PRKAR1B: variants seen among roughly 807,000 people sequenced by gnomAD.
PRKAR1B encodes cAMP-dependent protein kinase type I-beta regulatory subunit.
PRKAR1B carries 22 observed loss-of-function variants against 46.5 expected under a neutral mutation model. The observed-to-expected ratio is 0.47, with a 90% CI of 0.34 to 0.68. The LOEUF is 0.68. PRKAR1B is among the 30% of genes least tolerant of loss of function. The pLI, the probability that PRKAR1B is intolerant of heterozygous loss-of-function variation, is 0.01. For missense variants in PRKAR1B, 445 were observed against 535.6 expected, an observed-to-expected ratio of 0.83 and a Z score of 1.67; for synonymous variants, 259 against 217.7, an observed-to-expected ratio of 1.19 and a Z score of -1.67.
intron 2 of PRKAR1B, among the ~76,000 whole-genome samples, chr7:691,067 A>G (rs1583424972): frequency 1.4e-5 from 2 of 143,006 alleles, no homozygotes; most frequent in East Asian, 4.2e-4. Flanking sequence ...GCCCACCCAC[A>G]CTGGCCAGTC....
chr7:570,777 C>A (rs886290084), intron 9 of PRKAR1B, among the ~76,000 whole-genome samples: 4 of 152,172 alleles, frequency 2.6e-5, no homozygotes, highest in Non-Finnish European at 5.9e-5. Context: ...CCCAGACTCA[C>A]CCTGCCCGCT....
chr7:609,603 CT>C (rs1312338533), intron 4 of PRKAR1B, among the ~76,000 whole-genome samples: 1 of 152,250 alleles, frequency 6.6e-6, no homozygotes, highest in Non-Finnish European at 1.5e-5. Flanking sequence ...CCAGTGGTGT[CT>C]GCATCATTTG....
intron 7 of PRKAR1B, among the ~76,000 whole-genome samples, 183 bp downstream of exon 7, chr7:595,963 G>A (rs1191439682): frequency 6.6e-6 from 1 of 152,212 alleles, no homozygotes; most frequent in African/African-American, 2.4e-5. Context: ...CCAGCCACCT[G>A]TCTTCTAAGA....
intron 4 of PRKAR1B, among the ~76,000 whole-genome samples, chr7:624,958 A>G (rs1254480343): frequency 3.3e-5 from 5 of 152,244 alleles, no homozygotes; most frequent in African/African-American, 1.2e-4. Flanking sequence ...AGCAGACTAC[A>G]CATTCTTCTC....
At chr7:584,971 C>T (rs1208059431) in intron 7 of PRKAR1B, among the ~76,000 whole-genome samples, 6 of 152,076 alleles carry the variant, frequency 3.9e-5, no homozygotes, top group Non-Finnish European at 7.4e-5. Context: ...AAGCACATGA[C>T]GTAGAAGGGA....
chr7:596,423 A>G, intron 6 of PRKAR1B, 119 bp from the exon 7 acceptor site: 1 of 1,263,258 alleles, frequency 7.9e-7, no homozygotes, highest in Admixed American at 2.6e-5. Context: ...GGCGGGGCAC[A>G]AGCCCTTTCG....
intron 4 of PRKAR1B, among the ~76,000 whole-genome samples, chr7:620,370 G>T (rs548711793): frequency 3.3e-5 from 5 of 152,080 alleles, no homozygotes; most frequent in Admixed American, 2.0e-4. Flanking sequence ...GTAATCTGTT[G>T]TCAAGCACAT....
chr7:590,474 G>A (rs551521652), intron 7 of PRKAR1B, among the ~76,000 whole-genome samples: 1 of 152,342 alleles, frequency 6.6e-6, no homozygotes, highest in African/African-American at 2.4e-5. Flanking sequence ...CAGGGTGGGG[G>A]CGGGGCCCCG....
chr7:706,455 G>A (rs1208194935), intron 2 of PRKAR1B, among the ~76,000 whole-genome samples: 2 of 64,494 alleles, frequency 3.1e-5, no homozygotes, highest in Admixed American at 1.8e-4. Flanking sequence ...ACGGAGTCTC[G>A]CTCTATCACC....
intron 2 of PRKAR1B, among the ~76,000 whole-genome samples, chr7:709,185 T>G (rs1780488617): frequency 6.7e-6 from 1 of 148,882 alleles, no homozygotes; most frequent in South Asian, 2.1e-4. Context: ...TTGAAAAACC[T>G]TAGTATAACA....
At chr7:671,907 T>C (rs549420314) in intron 4 of PRKAR1B, among the ~76,000 whole-genome samples, 1 of 152,320 alleles carries the variant, frequency 6.6e-6, no homozygotes, top group Admixed American at 6.5e-5. Flanking sequence ...CTCTCACCTT[T>C]CTGCCCATCC....
At chr7:711,619 G>A (rs1270541102) in intron 1 of PRKAR1B, 92 bp from the exon 2 acceptor site, 2 of 1,168,598 alleles carry the variant, frequency 1.7e-6, no homozygotes, top group African/African-American at 3.1e-5. Flanking sequence ...GCTTCTCCCA[G>A]GAGCGTGGAA....
At chr7:638,699 T>A (rs1784247032) in intron 4 of PRKAR1B, among the ~76,000 whole-genome samples, 1 of 152,236 alleles carries the variant, frequency 6.6e-6, no homozygotes. Flanking sequence ...ACAATCTTTA[T>A]TGAGAAGATT....
chr7:592,543 C>T (rs1428733961), intron 7 of PRKAR1B, among the ~76,000 whole-genome samples: 2 of 152,204 alleles, frequency 1.3e-5, no homozygotes, highest in African/African-American at 4.8e-5. Flanking sequence ...CGAGTCACTC[C>T]GGATACTGGT....
intron 2 of PRKAR1B, among the ~76,000 whole-genome samples, chr7:695,424 C>T (rs376500603): frequency 1.3e-5 from 2 of 152,076 alleles, no homozygotes; most frequent in African/African-American, 2.4e-5. Flanking sequence ...GAGAGAGCCC[C>T]GTGCCGGTCA....
At chr7:552,684 C>A (rs183915460) in intron 9 of PRKAR1B, among the ~76,000 whole-genome samples, 14 of 152,366 alleles carry the variant, frequency 9.2e-5, no homozygotes, top group Middle Eastern at 6.8e-3. Context: ...ACTGGCCCCC[C>A]GCACCTTTGC....
chr7:682,589 C>CA (rs1361072100), intron 2 of PRKAR1B, among the ~76,000 whole-genome samples: 1 of 151,702 alleles, frequency 6.6e-6, no homozygotes, highest in East Asian at 1.9e-4. Context: ...ACTAAAAATA[C>CA]AAAAAATTAG....
chr7:627,818 G>A (rs1470462670), intron 4 of PRKAR1B, among the ~76,000 whole-genome samples: 6 of 152,194 alleles, frequency 3.9e-5, no homozygotes, highest in Non-Finnish European at 8.8e-5. Context: ...GACTGCCAGC[G>A]CTCAACTCCA....
At chr7:721,725 A>G (rs1017772360) in intron 1 of PRKAR1B, among the ~76,000 whole-genome samples, 2 of 152,144 alleles carry the variant, frequency 1.3e-5, no homozygotes, top group Admixed American at 1.3e-4. Context: ...CTAGCAATAA[A>G]TTCTATTAGT....
Sources: allele counts gnomAD v4.1 joint callset (sites outside exome capture counted in the v4.1 genomes callset), GRCh38; gene constraint gnomAD v4.1.1; transcripts MANE v1.5; gene names NCBI Gene and HGNC (gene_info 2026-07-23, HGNC 2026-07-21).